HS6ST3: variants seen among roughly 807,000 people sequenced by gnomAD.
The protein encoded by HS6ST3 is heparan sulfate 6-O-sulfotransferase 3, also known as heparan-sulfate 6-O-sulfotransferase 3.
Under a neutral mutation model 36.7 loss-of-function variants are expected in HS6ST3, and 12 were observed. The ratio of observed to expected loss-of-function variants is 0.33; its 90% CI spans 0.21 to 0.53. The LOEUF (loss-of-function observed/expected upper bound fraction) is 0.53. HS6ST3 is among the 20% of genes least tolerant of loss of function. The probability of loss-of-function intolerance (pLI) is 0.95; values close to 1 mark genes in which losing one functional copy is unlikely to be tolerated. For synonymous variants in HS6ST3, 240 were observed against 257.5 expected, an observed-to-expected ratio of 0.93 and a Z score of 0.65; for missense variants, 584 against 640.9, an observed-to-expected ratio of 0.91 and a Z score of 0.96.
At chr13:96,486,184 G>A (rs1344763909) in intron 1 of HS6ST3, among the ~76,000 whole-genome samples, 7 of 152,010 alleles carry the variant, frequency 4.6e-5, no homozygotes, top group Non-Finnish European at 8.8e-5. Context: ...TCCCTACAAA[G>A]GACATGAACT....
intron 1 of HS6ST3, among the ~76,000 whole-genome samples, chr13:96,664,352 G>A (rs376988982): frequency 9.9e-5 from 15 of 152,126 alleles, no homozygotes; most frequent in South Asian, 2.1e-4. Flanking sequence ...CATCATCATC[G>A]TCATCACTGT....
At chr13:96,163,713 C>A (rs912256093) in intron 1 of HS6ST3, among the ~76,000 whole-genome samples, 3 of 151,910 alleles carry the variant, frequency 2.0e-5, no homozygotes, top group African/African-American at 4.8e-5. Flanking sequence ...AATAAAAAAC[C>A]CTTTTCCCCC....
intron 1 of HS6ST3, among the ~76,000 whole-genome samples, chr13:96,357,801 C>T (rs1228703721): frequency 6.6e-6 from 1 of 152,148 alleles, no homozygotes; most frequent in African/African-American, 2.4e-5. Context: ...GGATTACAGA[C>T]GTGAGCCATT....
intron 1 of HS6ST3, among the ~76,000 whole-genome samples, chr13:96,379,584 T>C (rs764813850): frequency 6.6e-6 from 1 of 152,246 alleles, no homozygotes; most frequent in African/African-American, 2.4e-5. Flanking sequence ...TAAGGAATTA[T>C]TCAAACGGAT....
chr13:96,731,731 T>A (rs899099925), intron 1 of HS6ST3, among the ~76,000 whole-genome samples: 2 of 151,986 alleles, frequency 1.3e-5, no homozygotes, highest in African/African-American at 4.8e-5. Flanking sequence ...TGATCACTGA[T>A]CACCGCAGCC....
At chr13:96,473,580 C>T (rs1955184140) in intron 1 of HS6ST3, among the ~76,000 whole-genome samples, 1 of 152,198 alleles carries the variant, frequency 6.6e-6, no homozygotes, top group South Asian at 2.1e-4. Context: ...TTGTCTCCAG[C>T]TGCTCAGGCG....
chr13:96,387,837 GTTCTGTAAATTCTCTCTT>G (rs1566345908), intron 1 of HS6ST3, among the ~76,000 whole-genome samples: 1 of 152,112 alleles, frequency 6.6e-6, no homozygotes, highest in African/African-American at 2.4e-5. Flanking sequence ...CTTACAGGGG[GTTCTGTAAATTCTCTCTT>G]TTCTGCTACT....
Position 96,380,263 on chromosome 13 carries a change from ACTT to A in HS6ST3, c.707+288695_707+288697del, listed in dbSNP as rs777488192. On this transcript the variant is annotated intron_variant, in intron 1 of 1. Coordinates refer to ENST00000376705, the MANE Select transcript of HS6ST3 (RefSeq NM_153456.4). ...TAACAGATACTAGTTTTAAGTTAGC[ACTT>A]TTTTTTTTTTTTTTTCGAGATGGAG... Among the ~76,000 whole-genome samples the A allele has an allele frequency of 4.3e-3, 390 of 90,230 alleles. 5 individuals are homozygous for A. The highest frequency in any genetic ancestry group is 0.013 in the Admixed American group (112 of 8,540). 59.2% of individuals were successfully genotyped at this position (90,230 alleles called of 152,430 possible).
Position 96,469,992 on chromosome 13 carries a change from T to C in HS6ST3, c.708-362498T>C, listed in dbSNP as rs888399929. Among the ~76,000 whole-genome samples, 81 of 152,202 alleles carry C rather than the reference T, an allele frequency of 5.3e-4. 4 individuals carry two copies. Among genetic ancestry groups the C allele is most frequent in the Admixed American group, 5.0e-3 (77 of 15,270 alleles). On this transcript the variant is annotated intron_variant, in intron 1 of 1. Transcript: ENST00000376705. Reference sequence around the variant, plus strand: ...TTTATCAAATATTGCTACATACATATAGAAAATTCTTCAAAACCAACAAAA... The same window carrying C: ...TTTATCAAATATTGCTACATACATACAGAAAATTCTTCAAAACCAACAAAA...
intron 1 of HS6ST3, among the ~76,000 whole-genome samples, chr13:96,223,985 T>C (rs74369407): frequency 0.062 from 9,447 of 151,888 alleles, 584 homozygotes; most frequent in African/African-American, 0.16. Flanking sequence ...CTCTTCTTCC[T>C]TTCCCTCCCT....
At chr13:96,490,081 A>T (rs537319202) in intron 1 of HS6ST3, among the ~76,000 whole-genome samples, 1 of 152,312 alleles carries the variant, frequency 6.6e-6, no homozygotes, top group East Asian at 1.9e-4. Context: ...GGACAAATAC[A>T]TTAAATTCCT....
intron 1 of HS6ST3, among the ~76,000 whole-genome samples, chr13:96,675,476 A>G (rs1238315314): frequency 6.6e-6 from 1 of 152,168 alleles, no homozygotes. Flanking sequence ...TTCAGAAGAA[A>G]GAGCATTTGG....
intron 1 of HS6ST3, among the ~76,000 whole-genome samples, chr13:96,771,652 GC>G (rs1165188222): frequency 3.3e-5 from 5 of 152,148 alleles, no homozygotes; most frequent in Non-Finnish European, 7.4e-5. Context: ...AAGGTGCCAA[GC>G]CTTCCAAGAT....
chr13:96,802,750 C>T (rs889820731), intron 1 of HS6ST3, among the ~76,000 whole-genome samples: 1 of 152,124 alleles, frequency 6.6e-6, no homozygotes, highest in Non-Finnish European at 1.5e-5. Flanking sequence ...CAGTAAATTC[C>T]CCTTGGATTC....
At chr13:96,362,387 G>T (rs2055242724) in intron 1 of HS6ST3, among the ~76,000 whole-genome samples, 1 of 152,088 alleles carries the variant, frequency 6.6e-6, no homozygotes, top group East Asian at 1.9e-4. Context: ...TTTTTAATTT[G>T]TTAGTGGTTT....
chr13:96,325,264 C>T (rs887383142), intron 1 of HS6ST3, among the ~76,000 whole-genome samples: 1 of 152,032 alleles, frequency 6.6e-6, no homozygotes, highest in Non-Finnish European at 1.5e-5. Context: ...ATAAATGATA[C>T]TCCTTCAGCG....
In HS6ST3 at chr13:96,836,269, A is replaced by G. The variant is rs557059082; in HGVS notation, c.*3071A>G. ...CTACAGTTCTTTCCCTTCTCTTGGC[A>G]ATGGAAGCTCCAGTACCCAGATTGG... On this transcript the variant is annotated 3_prime_UTR_variant, in exon 2 of 2. Transcript: ENST00000376705. 1 of 152,344 alleles carries G rather than the reference A, an allele frequency of 6.6e-6. No individual in the cohort carries two copies. The highest frequency in any genetic ancestry group is 2.4e-5 in the African/African-American group (1 of 41,578). 9.4% of individuals were successfully genotyped at this position (152,344 alleles called of 1,614,324 possible).
intron 1 of HS6ST3, among the ~76,000 whole-genome samples, chr13:96,711,854 C>T (rs1456830500): frequency 5.9e-5 from 9 of 152,146 alleles, no homozygotes; most frequent in Middle Eastern, 3.4e-3. Context: ...TTCTACATTG[C>T]GGCTTTATAA....
At chr13:96,392,820 A>G (rs1475730316) in intron 1 of HS6ST3, among the ~76,000 whole-genome samples, 13 of 152,324 alleles carry the variant, frequency 8.5e-5, no homozygotes, top group Admixed American at 7.8e-4. Context: ...GGTTTGATCA[A>G]TATCCTGGGA....
Sources: gnomAD v4.1 joint callset for allele counts (sites outside exome capture counted in the v4.1 genomes callset) on GRCh38, gnomAD v4.1.1 for gene constraint, MANE v1.5 for transcripts, NCBI Gene and HGNC (gene_info 2026-07-23, HGNC 2026-07-21) for gene names.